Variants in ALKBH8 observed in about 807,000 individuals in gnomAD.
ALKBH8 encodes tRNA (carboxymethyluridine(34)-5-O)-methyltransferase ALKBH8.
In ALKBH8, 36 loss-of-function variants were observed where a neutral mutation model predicts 59.8. The ratio of observed to expected loss-of-function variants is 0.60; its 90% CI spans 0.46 to 0.79. The LOEUF is 0.79. ALKBH8 is among the 30% of genes least tolerant of loss of function. ALKBH8 has a pLI of 0.00. For synonymous variants in ALKBH8, 276 were observed against 273.6 expected, an observed-to-expected ratio of 1.01 and a Z score of -0.09; for missense variants, 768 against 801.0, an observed-to-expected ratio of 0.96 and a Z score of 0.50.
chr11:107,517,420 T>C (rs1862910254), intron 10 of ALKBH8, among the ~76,000 whole-genome samples: 1 of 152,210 alleles, frequency 6.6e-6, no homozygotes, highest in Non-Finnish European at 1.5e-5. Flanking sequence ...GCTAGGTATA[T>C]ATCCAAAGAA....
intron 2 of ALKBH8, among the ~76,000 whole-genome samples, chr11:107,559,077 T>G (rs1864830305): frequency 6.6e-6 from 1 of 152,176 alleles, no homozygotes; most frequent in African/African-American, 2.4e-5. Context: ...TCTCATGAGA[T>G]CTGATGGTTT....
At chr11:107,535,601 ATTGT>A (rs779822258) in intron 7 of ALKBH8, among the ~76,000 whole-genome samples, 2 of 151,790 alleles carry the variant, frequency 1.3e-5, no homozygotes, top group Admixed American at 6.6e-5. Context: ...TTTTGATATG[ATTGT>A]TTGTTTTTTT....
intron 3 of ALKBH8, among the ~76,000 whole-genome samples, chr11:107,554,512 G>C (rs921354244): frequency 2.6e-5 from 4 of 151,920 alleles, no homozygotes; most frequent in African/African-American, 9.7e-5. Flanking sequence ...TTTCAGATAG[G>C]TATAGCTCTA....
In ALKBH8 at chr11:107,503,126, G is replaced by C. The variant is rs1862244091; in HGVS notation, c.*1532C>G. 6.6e-6 allele frequency: 1 copy of C among 152,120 alleles called. No homozygotes were observed. The highest frequency in any genetic ancestry group is 2.4e-5 in the African/African-American group (1 of 41,420). The allele number at this position is 152,120 out of a possible 1,614,324, so 9.4% of individuals were successfully genotyped here. Reference sequence around the variant, plus strand: ...AGAAAATCATCTATTTCATTTGGATGTTAAAATTTATTGGCATGACTTGAC... The same window carrying C: ...AGAAAATCATCTATTTCATTTGGATCTTAAAATTTATTGGCATGACTTGAC... On this transcript the variant is annotated 3_prime_UTR_variant, in exon 12 of 12. Transcript: ENST00000428149.
At chr11:107,534,865 A>G (rs981467089) in intron 7 of ALKBH8, among the ~76,000 whole-genome samples, 1 of 151,906 alleles carries the variant, frequency 6.6e-6, no homozygotes, top group East Asian at 1.9e-4. Flanking sequence ...TCACCCGAGC[A>G]GTGTACACTG....
chr11:107,541,834 T>C (rs937918424), intron 7 of ALKBH8, among the ~76,000 whole-genome samples: 2 of 152,080 alleles, frequency 1.3e-5, no homozygotes, highest in African/African-American at 4.8e-5. Context: ...AAAACAAAGA[T>C]GCTTACCATG....
intron 11 of ALKBH8, among the ~76,000 whole-genome samples, chr11:107,509,224 C>G (rs1283352722): frequency 1.3e-5 from 2 of 152,136 alleles, no homozygotes; most frequent in African/African-American, 2.4e-5. Context: ...GAAGTGGTAT[C>G]TCATTATGGT....
chr11:107,520,361 T>C (rs1355260054), intron 10 of ALKBH8, among the ~76,000 whole-genome samples: 3 of 152,214 alleles, frequency 2.0e-5, no homozygotes, highest in African/African-American at 7.2e-5. Context: ...ATATATTCCC[T>C]CTGGAATCAG....
At chr11:107,543,599 A>T (rs953599668) in intron 7 of ALKBH8, among the ~76,000 whole-genome samples, 4 of 152,344 alleles carry the variant, frequency 2.6e-5, no homozygotes, top group African/African-American at 9.6e-5. Flanking sequence ...TATATGCTTA[A>T]CAAGTCAAAT....
chr11:107,510,442 A>C (rs1034923178), intron 11 of ALKBH8, among the ~76,000 whole-genome samples: 1 of 152,212 alleles, frequency 6.6e-6, no homozygotes, highest in Non-Finnish European at 1.5e-5. Context: ...AATGGGAAAG[A>C]AGTAACACTC....
chr11:107,543,570 C>A (rs2075236186), intron 7 of ALKBH8, among the ~76,000 whole-genome samples: 1 of 152,202 alleles, frequency 6.6e-6, no homozygotes. Context: ...CCATGCACTT[C>A]TATTCTCACC....
Position 107,504,303 on chromosome 11 carries a change from A to G in ALKBH8, c.*355T>C, listed in dbSNP as rs1591233285. On this transcript the variant is annotated 3_prime_UTR_variant, in exon 12 of 12. Coordinates refer to ENST00000428149, the MANE Select transcript of ALKBH8 (RefSeq NM_138775.3). Reference sequence around the variant, plus strand: ...CTATTTTCTGTATTAACATATAATTACATCCCTAAAATCCTACATGATTTA... The same window carrying G: ...CTATTTTCTGTATTAACATATAATTGCATCCCTAAAATCCTACATGATTTA... 1.9e-6 allele frequency: 1 copy of G among 535,008 alleles called. No individual in the cohort carries two copies. The highest frequency in any genetic ancestry group is 1.9e-5 in the African/African-American group (1 of 51,412). 33.1% of individuals were successfully genotyped at this position (535,008 alleles called of 1,614,324 possible).
At chr11:107,525,996 T>C (rs1863337102) in intron 8 of ALKBH8, among the ~76,000 whole-genome samples, 1 of 152,014 alleles carries the variant, frequency 6.6e-6, no homozygotes, top group Non-Finnish European at 1.5e-5. Flanking sequence ...TTTTTAAAAA[T>C]TAAAAATAAC....
chr11:107,506,554 T>C (rs1345287033), intron 11 of ALKBH8, among the ~76,000 whole-genome samples: 3 of 152,104 alleles, frequency 2.0e-5, no homozygotes, highest in Admixed American at 6.6e-5. Flanking sequence ...GAAAACAAGA[T>C]GAATTTAAAT....
At position 107,560,896 on chromosome 11, in the gene ALKBH8, C is replaced by G; in HGVS notation, c.-3G>C. 6.2e-7 allele frequency: 1 copy of G among 1,604,848 alleles called. No homozygotes were observed. The highest frequency in any genetic ancestry group is 2.2e-5 in the East Asian group (1 of 44,714). On this transcript the variant is annotated 5_prime_UTR_variant, in exon 2 of 12. Coordinates refer to ENST00000428149, the MANE Select transcript of ALKBH8 (RefSeq NM_138775.3). ...TTACTTTGATGGTTGCTGTCCATAG[C>G]AAACTGTAAAAAAACAAGACAGTAA... is the stretch of plus-strand genomic sequence containing the variant.
At chr11:107,527,201 T>C (rs540585244) in intron 8 of ALKBH8, among the ~76,000 whole-genome samples, 1 of 152,106 alleles carries the variant, frequency 6.6e-6, no homozygotes, top group East Asian at 1.9e-4. Context: ...TCTAGAATTT[T>C]CAGTCTATGT....
chr11:107,524,464 T>A (rs930516855), intron 9 of ALKBH8, among the ~76,000 whole-genome samples: 1 of 152,198 alleles, frequency 6.6e-6, no homozygotes, highest in South Asian at 2.1e-4. Flanking sequence ...ATAAGAAAAC[T>A]AGCTTGTCTC....
At position 107,558,294 on chromosome 11, in the gene ALKBH8, G is replaced by A. The variant is rs143028974; in HGVS notation, c.130-1291C>T. Among the ~76,000 whole-genome samples the A allele has an allele frequency of 2.8e-3, 434 of 152,320 alleles. 1 individual carries two copies. The highest frequency in any genetic ancestry group is 0.01 in the African/African-American group (420 of 41,582). On this transcript the variant is annotated intron_variant, in intron 2 of 11. Coordinates refer to ENST00000428149, the MANE Select transcript of ALKBH8 (RefSeq NM_138775.3). ...AAACTGTTTTGTCATGGGACAGCCA[G>A]TACTTTGTATGCATGCAAGCATATA...
At chr11:107,528,477 A>C (rs1161803115) in intron 8 of ALKBH8, among the ~76,000 whole-genome samples, 4 of 152,224 alleles carry the variant, frequency 2.6e-5, no homozygotes, top group Non-Finnish European at 5.9e-5. Flanking sequence ...CCAAATTTAC[A>C]TTACTTTTGT....
Sources: gnomAD v4.1 joint callset for allele counts (sites outside exome capture counted in the v4.1 genomes callset) on GRCh38, gnomAD v4.1.1 for gene constraint, MANE v1.5 for transcripts, NCBI Gene and HGNC (gene_info 2026-07-23, HGNC 2026-07-21) for gene names.